The following TXNL1 variants were observed in gnomAD, a reference collection of about 807,000 sequenced individuals.
TXNL1 encodes the protein thioredoxin-like protein 1.
In TXNL1, 14 loss-of-function variants were observed where a neutral mutation model predicts 35.5. The ratio of observed to expected loss-of-function variants is 0.39; its 90% CI spans 0.26 to 0.62. The LOEUF (loss-of-function observed/expected upper bound fraction) is 0.62. TXNL1 is among the 20% of genes least tolerant of loss of function. TXNL1 has a pLI of 0.47. For missense variants in TXNL1, 263 were observed against 349.7 expected, an observed-to-expected ratio of 0.75 and a Z score of 1.98; for synonymous variants, 110 against 115.5, an observed-to-expected ratio of 0.95 and a Z score of 0.31.
chr18:56,633,523 T>C (rs1598925618), intron 1 of TXNL1, among the ~76,000 whole-genome samples: 1 of 145,058 alleles, frequency 6.9e-6, no homozygotes, highest in East Asian at 2.0e-4. Flanking sequence ...TGGGGCTGAG[T>C]TGGGAGGATT....
chr18:56,612,439 CTA>C (rs1249906642), intron 6 of TXNL1, among the ~76,000 whole-genome samples: 2 of 151,834 alleles, frequency 1.3e-5, no homozygotes, highest in Non-Finnish European at 2.9e-5. Flanking sequence ...ACGATAAAAA[CTA>C]AAAGTTTTAC....
chr18:56,635,434 A>G (rs2024441619), intron 1 of TXNL1, among the ~76,000 whole-genome samples: 1 of 152,248 alleles, frequency 6.6e-6, no homozygotes, highest in East Asian at 1.9e-4. Context: ...GCAGTTATAA[A>G]GAAGAATGAA....
chr18:56,612,832 T>A (rs1209317726), intron 6 of TXNL1, among the ~76,000 whole-genome samples: 1 of 152,186 alleles, frequency 6.6e-6, no homozygotes. Flanking sequence ...TTGATTTCAT[T>A]TGGGTAGGAT....
chr18:56,626,868 G>A (rs1309964056), intron 1 of TXNL1, among the ~76,000 whole-genome samples: 1 of 132,882 alleles, frequency 7.5e-6, no homozygotes, highest in Non-Finnish European at 1.5e-5. Context: ...ACAGTGGCAT[G>A]ATCATGGCTC....
At chr18:56,605,167 G>T (rs1048683979) in intron 7 of TXNL1, 1 of 152,120 alleles carries the variant, frequency 6.6e-6, no homozygotes, top group Non-Finnish European at 1.5e-5. Context: ...TGAAGAAAGA[G>T]ATGATTGAGG....
intron 1 of TXNL1, among the ~76,000 whole-genome samples, chr18:56,626,922 A>G (rs889352250): frequency 7.1e-6 from 1 of 140,362 alleles, no homozygotes; most frequent in Admixed American, 7.7e-5. Context: ...CTCCCACCTC[A>G]GCCTTCCAAG....
At position 56,638,396 on chromosome 18, in the gene TXNL1, T is replaced by C; in HGVS notation, c.45A>G (p.Pro15=). The C allele has an allele frequency of 6.2e-7, 1 of 1,613,622 alleles. No individual in the cohort carries two copies. The highest frequency in any genetic ancestry group is 1.1e-5 in the South Asian group (1 of 91,010). The stretch of plus-strand genomic sequence containing the variant: ...GTCTGGAGCCCGCGCCGCTCAGCTC[T>C]GGCTGGAAATCCGGGTCGCTCCCGA... ...KPVGSDPDFQ[P]ELSGAGSRLA... The change falls in exon 1 of 8, where the codon CCA becomes CCG. Residue 15 remains proline (P), a synonymous_variant. Coordinates refer to ENST00000217515, the MANE Select transcript of TXNL1 (RefSeq NM_004786.3).
At chr18:56,631,786 A>G (rs1292657075) in intron 1 of TXNL1, among the ~76,000 whole-genome samples, 1 of 151,976 alleles carries the variant, frequency 6.6e-6, no homozygotes, top group African/African-American at 2.4e-5. Flanking sequence ...TGGGCCTAGT[A>G]ACGCATGCCT....
intron 4 of TXNL1, 55 bp downstream of exon 4, chr18:56,617,947 CAA>C: frequency 1.3e-6 from 2 of 1,586,732 alleles, no homozygotes. Flanking sequence ...GAACAAGAAA[CAA>C]GAGCAGGCAT....
Position 56,599,139 on chromosome 18 carries a change from T to C in TXNL1, c.*3888A>G, listed in dbSNP as rs2023777689. On this transcript the variant is annotated 3_prime_UTR_variant, in exon 8 of 8. Transcript: ENST00000217515. ...GTACAATTTTAGTACATTCAAATTC[T>C]AAAGGTTATCTCTTTATCTTATAGT... 6.6e-6 allele frequency: 1 copy of C among 152,240 alleles called. No homozygotes were observed. The highest frequency in any genetic ancestry group is 2.4e-5 in the African/African-American group (1 of 41,468). 9.4% of individuals were successfully genotyped at this position (152,240 alleles called of 1,614,324 possible).
intron 1 of TXNL1, among the ~76,000 whole-genome samples, chr18:56,637,949 CT>C (rs1254899928): frequency 1.3e-5 from 2 of 152,172 alleles, no homozygotes; most frequent in Admixed American, 6.5e-5. Flanking sequence ...GTAAATTAAG[CT>C]TTTGGAGCTC....
Position 56,623,800 on chromosome 18 carries a change from C to CTT in TXNL1, c.369+486_369+487dup, listed in dbSNP as rs34071610. ...TTCTAAAACAAAATCAGTAATTAGA[C>CTT]TTTTTTTTTTTTTTAAATACAGTGC... On this transcript the variant is annotated intron_variant, in intron 3 of 7. Transcript: ENST00000217515. Among the ~76,000 whole-genome samples, 4 of 141,134 alleles carry CTT rather than the reference C, an allele frequency of 2.8e-5. No homozygotes were observed. In the Admixed American group the frequency reaches 2.9e-4, roughly 10 times the overall value. 92.6% of individuals were successfully genotyped at this position (141,134 alleles called of 152,430 possible).
chr18:56,614,130 A>G, intron 6 of TXNL1, among the ~76,000 whole-genome samples: 1 of 152,360 alleles, frequency 6.6e-6, no homozygotes, highest in East Asian at 1.9e-4. Context: ...TAAAGAATAA[A>G]GCACAAATAT....
intron 7 of TXNL1, chr18:56,608,584 A>G (rs1335705771): frequency 6.6e-6 from 1 of 152,196 alleles, no homozygotes; most frequent in Non-Finnish European, 1.5e-5. Flanking sequence ...TGGGAGGTCA[A>G]CACTATTTTC....
chr18:56,603,149 T>A, intron 7 of TXNL1, 93 bp from the exon 8 acceptor site: 1 of 1,175,336 alleles, frequency 8.5e-7, no homozygotes, highest in Non-Finnish European at 1.2e-6. Flanking sequence ...ACCTTGGTAT[T>A]AATTTTTATC....
At position 56,614,614 on chromosome 18, in the gene TXNL1, A is replaced by C; in HGVS notation, c.563-18T>G. 1 of 1,596,004 alleles carries C rather than the reference A, an allele frequency of 6.3e-7. No homozygotes were observed. Among genetic ancestry groups the C allele is most frequent in the East Asian group, 2.2e-5 (1 of 44,610 alleles). ...GCCCTGACCTATACAATGGTAGAATAAAATAAAATGTTTAAAAACCTCAAA... is the reference window on the plus strand; with the variant it reads ...GCCCTGACCTATACAATGGTAGAATCAAATAAAATGTTTAAAAACCTCAAA... On this transcript the variant is annotated intron_variant, in intron 5 of 7. Transcript: ENST00000217515.
At position 56,626,644 on chromosome 18, in the gene TXNL1, C is replaced by T. The variant is rs571379600; in HGVS notation, c.99-187G>A. Among the ~76,000 whole-genome samples the T allele has an allele frequency of 4.0e-5, 6 of 151,478 alleles. No homozygotes were observed. The East Asian group carries it at 1.2e-3, about 29-fold the overall frequency. ...TCGGCCAGAGTGGTACTCCAGGCGC[C>T]CACCACCACGCCCAGCTAATTTTTG... is the stretch of plus-strand genomic sequence containing the variant. On this transcript the variant is annotated intron_variant, in intron 1 of 7. Transcript: ENST00000217515.
intron 3 of TXNL1, among the ~76,000 whole-genome samples, chr18:56,619,893 A>T (rs925975104): frequency 6.6e-6 from 1 of 152,164 alleles, no homozygotes; most frequent in Non-Finnish European, 1.5e-5. Flanking sequence ...CCTTAGGTCT[A>T]TTAATGTGAC....
chr18:56,623,399 G>C (rs1297340172), intron 3 of TXNL1, among the ~76,000 whole-genome samples: 1 of 147,268 alleles, frequency 6.8e-6, no homozygotes, highest in Non-Finnish European at 1.5e-5. Context: ...CTGCACTCCA[G>C]CCTGGGTGAC....
Sources: gnomAD v4.1 joint callset for allele counts (sites outside exome capture counted in the v4.1 genomes callset) on GRCh38, gnomAD v4.1.1 for gene constraint, MANE v1.5 for transcripts, NCBI Gene and HGNC (gene_info 2026-07-23, HGNC 2026-07-21) for gene names.